The following PLEKHM3 variants were observed in gnomAD, a reference collection of about 807,000 sequenced individuals.
PLEKHM3 encodes pleckstrin homology domain-containing family M member 3.
A neutral mutation model predicts 81.8 loss-of-function variants in PLEKHM3; 45 were observed. The observed-to-expected ratio is 0.55, with a 90% CI of 0.43 to 0.71. PLEKHM3 has a LOEUF of 0.71. Among genes scored for constraint, PLEKHM3 ranks in the 30% least tolerant of loss-of-function variants. The probability of loss-of-function intolerance (pLI) is 0.00; values close to 1 mark genes in which losing one functional copy is unlikely to be tolerated. For missense variants in PLEKHM3, 788 were observed against 924.3 expected (o/e 0.85, Z 1.91); for synonymous variants, 352 against 356.4 (o/e 0.99, Z 0.14).
Position 207,873,030 on chromosome 2 carries a change from T to C in PLEKHM3, c.1951-11768A>G, listed in dbSNP as rs10180184. On this transcript the variant is annotated intron_variant, in intron 6 of 7. Transcript: ENST00000427836. ...ACAAAAGTAGCATTACCTGATCATGTAGGGGAATGAACCATAAGAGTTAGG... is the reference window on the plus strand; with the variant it reads ...ACAAAAGTAGCATTACCTGATCATGCAGGGGAATGAACCATAAGAGTTAGG... Among the ~76,000 whole-genome samples the C allele has an allele frequency of 1.3e-3, 191 of 152,104 alleles. 2 individuals are homozygous for C. The highest frequency in any genetic ancestry group is 4.5e-3 in the African/African-American group (188 of 41,480).
chr2:207,961,544 T>A (rs894599280), intron 3 of PLEKHM3, among the ~76,000 whole-genome samples: 3 of 152,176 alleles, frequency 2.0e-5, no homozygotes, highest in Non-Finnish European at 4.4e-5. Context: ...CAGTTAAAGG[T>A]AATAAATAAA....
At chr2:207,914,209 T>TG (rs934083795) in intron 5 of PLEKHM3, among the ~76,000 whole-genome samples, 20 of 151,742 alleles carry the variant, frequency 1.3e-4, no homozygotes, top group Admixed American at 8.5e-4. Flanking sequence ...AAAAATTAGC[T>TG]GGGGGGCCGG....
chr2:207,821,696 T>G lies in PLEKHM3; in HGVS notation c.*6623A>C, dbSNP rs939930556. ...TTTTTTACATCACCACGTTCAATAC[T>G]CTCCATTTGCAACCTAAGCATTTTC... On this transcript the variant is annotated 3_prime_UTR_variant, in exon 8 of 8. Transcript: ENST00000427836. 6.6e-6 allele frequency: 1 copy of G among 151,856 alleles called. No individual in the cohort carries two copies. Among genetic ancestry groups the G allele is most frequent in the Non-Finnish European group, 1.5e-5 (1 of 67,984 alleles). The allele number at this position is 151,856 out of a possible 1,614,324, so 9.4% of individuals were successfully genotyped here.
chr2:207,971,843 A>C (rs1459888893), intron 3 of PLEKHM3, among the ~76,000 whole-genome samples: 1 of 152,186 alleles, frequency 6.6e-6, no homozygotes, highest in African/African-American at 2.4e-5. Flanking sequence ...TACCATTCCC[A>C]TCATGTGCTT....
At chr2:207,920,911 C>T (rs948599420) in intron 5 of PLEKHM3, among the ~76,000 whole-genome samples, 22 of 152,218 alleles carry the variant, frequency 1.4e-4, no homozygotes, top group African/African-American at 4.3e-4. Flanking sequence ...CCAACGAGCA[C>T]AGGAGTGCCC....
chr2:207,933,618 G>A (rs909512519), intron 4 of PLEKHM3, among the ~76,000 whole-genome samples: 1 of 152,110 alleles, frequency 6.6e-6, no homozygotes, highest in Non-Finnish European at 1.5e-5. Flanking sequence ...AGTCTCCCAG[G>A]CCTTAAAAGG....
chr2:207,893,581 A>G (rs937343695), intron 6 of PLEKHM3, among the ~76,000 whole-genome samples: 1 of 152,212 alleles, frequency 6.6e-6, no homozygotes, highest in African/African-American at 2.4e-5. Flanking sequence ...CTCATCTTTG[A>G]CAAGTGTATA....
intron 7 of PLEKHM3, among the ~76,000 whole-genome samples, chr2:207,849,545 C>G (rs2092401575): frequency 6.6e-6 from 1 of 152,144 alleles, no homozygotes. Context: ...AAAAAACAAC[C>G]CTTTTTAGAA....
intron 6 of PLEKHM3, among the ~76,000 whole-genome samples, chr2:207,896,744 G>A (rs1187530405): frequency 6.6e-6 from 1 of 152,194 alleles, no homozygotes; most frequent in Non-Finnish European, 1.5e-5. Context: ...TGCTTTACAA[G>A]CTAGTAAAAC....
At chr2:207,968,252 T>A (rs1351045574) in intron 3 of PLEKHM3, among the ~76,000 whole-genome samples, 1 of 152,136 alleles carries the variant, frequency 6.6e-6, no homozygotes, top group Non-Finnish European at 1.5e-5. Flanking sequence ...CTTCCTCTTG[T>A]ATCTCCCAGA....
chr2:207,888,505 T>C (rs113326700), intron 6 of PLEKHM3, among the ~76,000 whole-genome samples: 3,615 of 152,198 alleles, frequency 0.024, 135 homozygotes, highest in African/African-American at 0.082. Context: ...CAAGTGATTC[T>C]CCCACCTCAG....
At chr2:207,916,573 T>C (rs1337320983) in intron 5 of PLEKHM3, among the ~76,000 whole-genome samples, 4 of 152,100 alleles carry the variant, frequency 2.6e-5, no homozygotes, top group Non-Finnish European at 5.9e-5. Flanking sequence ...AAACTCCATC[T>C]CTTCTAAAAA....
intron 7 of PLEKHM3, among the ~76,000 whole-genome samples, chr2:207,842,082 C>T (rs1272388516): frequency 2.0e-5 from 3 of 152,242 alleles, no homozygotes; most frequent in African/African-American, 7.2e-5. Context: ...GGACTATAGG[C>T]GCACGCCACC....
chr2:207,896,833 TG>T (rs1559226125), intron 6 of PLEKHM3, among the ~76,000 whole-genome samples: 1 of 152,256 alleles, frequency 6.6e-6, no homozygotes, highest in Non-Finnish European at 1.5e-5. Flanking sequence ...TCTCCGCAGC[TG>T]TAGAAAGAGT....
At chr2:207,962,835 G>A (rs1375934022) in intron 3 of PLEKHM3, among the ~76,000 whole-genome samples, 2 of 151,180 alleles carry the variant, frequency 1.3e-5, no homozygotes, top group Non-Finnish European at 1.5e-5. Flanking sequence ...TGCAGAGAGG[G>A]TATTATGGTT....
At chr2:207,975,688 C>T (rs897793981) in intron 3 of PLEKHM3, among the ~76,000 whole-genome samples, 1 of 144,450 alleles carries the variant, frequency 6.9e-6, no homozygotes, top group East Asian at 2.1e-4. Flanking sequence ...CCTCTGCCTC[C>T]TGGGTTCAAG....
In PLEKHM3 at chr2:207,823,476, A is replaced by AT. The variant is rs1380092638; in HGVS notation, c.*4842dup. 6.6e-6 allele frequency: 1 copy of AT among 152,080 alleles called. No individual in the cohort carries two copies. Among genetic ancestry groups the AT allele is most frequent in the Non-Finnish European group, 1.5e-5 (1 of 68,026 alleles). 9.4% of individuals were successfully genotyped at this position (152,080 alleles called of 1,614,324 possible). A position where few individuals can be genotyped will look rare whatever the true frequency, so the allele number is the denominator to read the frequency against. The stretch of plus-strand genomic sequence containing the variant: ...ACCAAAACACTCAGCTAATTTTTGT[A>AT]TTTTTAGTAAAGAGGGGGGTTTCAC... On this transcript the variant is annotated 3_prime_UTR_variant, in exon 8 of 8. Transcript: ENST00000427836.
At chr2:207,947,521 A>G (rs1350366266) in intron 3 of PLEKHM3, among the ~76,000 whole-genome samples, 2 of 152,256 alleles carry the variant, frequency 1.3e-5, no homozygotes, top group African/African-American at 2.4e-5. Context: ...TGGCAGATCC[A>G]GAACAGGTCA....
chr2:207,988,658 T>A (rs992493326), intron 2 of PLEKHM3, among the ~76,000 whole-genome samples: 1 of 152,314 alleles, frequency 6.6e-6, no homozygotes, highest in East Asian at 1.9e-4. Flanking sequence ...CATCTTCCAA[T>A]ATCCCAAGGT....
Sources: allele counts gnomAD v4.1 joint callset (sites outside exome capture counted in the v4.1 genomes callset), GRCh38; gene constraint gnomAD v4.1.1; transcripts MANE v1.5; gene names NCBI Gene and HGNC (gene_info 2026-07-23, HGNC 2026-07-21).